DMGDH: variants seen among roughly 807,000 people sequenced by gnomAD.
DMGDH encodes dimethylglycine dehydrogenase, mitochondrial.
A neutral mutation model predicts 95.2 loss-of-function variants in DMGDH; 76 were observed. The ratio of observed to expected loss-of-function variants is 0.80; its 90% CI spans 0.66 to 0.97. DMGDH has a LOEUF of 0.97. Among genes scored for constraint, DMGDH ranks in the 50% least tolerant of loss-of-function variants. The pLI, the probability that DMGDH is intolerant of heterozygous loss-of-function variation, is 0.00. For missense variants in DMGDH, 987 were observed against 1,055.0 expected (o/e 0.94, Z 0.89); for synonymous variants, 345 against 377.6 (o/e 0.91, Z 1.00).
chr5:79,014,717 C>T (rs1003439856), intron 14 of DMGDH, among the ~76,000 whole-genome samples: 1 of 152,154 alleles, frequency 6.6e-6, no homozygotes, highest in Non-Finnish European at 1.5e-5. Context: ...TCATCTAATA[C>T]TTATGACAAA....
chr5:79,019,841 C>T (rs921106456), intron 14 of DMGDH, among the ~76,000 whole-genome samples: 3 of 152,106 alleles, frequency 2.0e-5, no homozygotes, highest in Admixed American at 6.5e-5. Flanking sequence ...GCCAAAATTG[C>T]ACCACTGCAC....
chr5:79,037,687 T>C (rs1333972479), intron 7 of DMGDH, among the ~76,000 whole-genome samples: 1 of 152,178 alleles, frequency 6.6e-6, no homozygotes, highest in African/African-American at 2.4e-5. Context: ...TAACTTGTTC[T>C]AGAGGAAGCA....
At chr5:79,025,378 A>C (rs1753970879) in intron 13 of DMGDH, among the ~76,000 whole-genome samples, 1 of 152,132 alleles carries the variant, frequency 6.6e-6, no homozygotes, top group Admixed American at 6.5e-5. Flanking sequence ...CTCAGTCCCC[A>C]GTTGTAGCTA....
chr5:79,033,151 G>A, intron 8 of DMGDH, 88 bp downstream of exon 8: 1 of 1,541,574 alleles, frequency 6.5e-7, no homozygotes, highest in Non-Finnish European at 8.9e-7. Flanking sequence ...CGCCATCCCA[G>A]TGAATAGAAT....
intron 12 of DMGDH, 83 bp from the exon 13 acceptor site, chr5:79,026,664 CA>C (rs1754011819): frequency 6.3e-7 from 1 of 1,576,320 alleles, no homozygotes; most frequent in South Asian, 1.1e-5. Flanking sequence ...CACATATAAG[CA>C]GGAGAAATTC....
intron 7 of DMGDH, among the ~76,000 whole-genome samples, chr5:79,036,823 G>A (rs1366609553): frequency 6.6e-6 from 1 of 152,104 alleles, no homozygotes; most frequent in Admixed American, 6.5e-5. Flanking sequence ...CTTTCATGGT[G>A]CTATGGACTG....
At chr5:79,003,383 G>C (rs930010128) in intron 15 of DMGDH, among the ~76,000 whole-genome samples, 1 of 152,166 alleles carries the variant, frequency 6.6e-6, no homozygotes, top group African/African-American at 2.4e-5. Context: ...CATGTGAATT[G>C]TGGGCAAATA....
intron 6 of DMGDH, among the ~76,000 whole-genome samples, chr5:79,044,053 C>T (rs929287691): frequency 6.6e-6 from 1 of 152,186 alleles, no homozygotes; most frequent in East Asian, 1.9e-4. Flanking sequence ...TATCTGGAAC[C>T]TTTCAAAGCA....
At chr5:79,050,276 ATATAT>A in intron 5 of DMGDH, among the ~76,000 whole-genome samples, 4 of 27,108 alleles carry the variant, frequency 1.5e-4, no homozygotes, top group African/African-American at 4.2e-4. Flanking sequence ...AAAAAAAAAT[ATATAT>A]ATATATATAT....
rs1355524100 is a variant in DMGDH at position 79,030,867 on chromosome 5, A to C, written c.1649T>G (p.Leu550Arg). ...FNIKGQDSIRLLDHLFANVIP... is the reference protein window; with the variant it reads ...FNIKGQDSIRRLDHLFANVIP... The stretch of plus-strand genomic sequence containing the variant: ...GACATTTGCAAAGAGATGGTCCAGT[A>C]GTCTAATGGAATCTTGGCCTTTGAT... The change falls in exon 10 of 16, where the codon CTA becomes CGA. Residue 550 changes from leucine to arginine, a missense_variant. By Grantham distance (102) the Leu-to-Arg change is moderately radical. Transcript: ENST00000255189. 2 of 1,614,098 alleles carry C rather than the reference A, an allele frequency of 1.2e-6. No homozygotes were observed. Among genetic ancestry groups the C allele is most frequent in the Admixed American group, 1.7e-5 (1 of 60,012 alleles).
intron 9 of DMGDH, among the ~76,000 whole-genome samples, chr5:79,032,086 G>GA (rs1451243045): frequency 6.6e-6 from 1 of 152,090 alleles, no homozygotes; most frequent in Non-Finnish European, 1.5e-5. Flanking sequence ...ATTCTCTTGA[G>GA]AAAAAAATAT....
At chr5:79,011,596 G>A (rs991122926) in intron 14 of DMGDH, among the ~76,000 whole-genome samples, 5 of 152,142 alleles carry the variant, frequency 3.3e-5, no homozygotes, top group Non-Finnish European at 7.3e-5. Context: ...GATTTAATTG[G>A]CTCATAGTTC....
chr5:79,056,889 A>C (rs1755048897), intron 2 of DMGDH, among the ~76,000 whole-genome samples: 1 of 152,160 alleles, frequency 6.6e-6, no homozygotes. Flanking sequence ...GGGGAATGGC[A>C]TACAATGTGG....
At chr5:79,024,475 A>G (rs1753945948) in intron 13 of DMGDH, 145 bp from the exon 14 acceptor site, 3 of 758,584 alleles carry the variant, frequency 4.0e-6, no homozygotes, top group Non-Finnish European at 6.6e-6. Context: ...ACCGGTTTTG[A>G]AAACAATTTT....
intron 5 of DMGDH, among the ~76,000 whole-genome samples, chr5:79,050,941 G>C (rs1754835977): frequency 6.6e-6 from 1 of 152,132 alleles, no homozygotes; most frequent in South Asian, 2.1e-4. Flanking sequence ...ACACAAAGAG[G>C]ATGCTTATGA....
At chr5:79,029,043 G>A (rs948062122) in intron 11 of DMGDH, among the ~76,000 whole-genome samples, 2 of 152,152 alleles carry the variant, frequency 1.3e-5, no homozygotes, top group Non-Finnish European at 2.9e-5. Flanking sequence ...GTTGCTAAAG[G>A]TTAATAATGT....
At chr5:79,000,958 G>T in intron 15 of DMGDH, 2 of 681,312 alleles carry the variant, frequency 2.9e-6, no homozygotes, top group Non-Finnish European at 5.3e-6. Context: ...AGCATCACTT[G>T]CAAGCAAAGT....
At chr5:79,036,689 A>C (rs1311092161) in intron 7 of DMGDH, among the ~76,000 whole-genome samples, 5 of 152,142 alleles carry the variant, frequency 3.3e-5, no homozygotes, top group Non-Finnish European at 7.3e-5. Flanking sequence ...CTGTACCAAG[A>C]ATTACAGATA....
chr5:79,034,342 T>C (rs1250576823), intron 7 of DMGDH, among the ~76,000 whole-genome samples: 2 of 152,164 alleles, frequency 1.3e-5, no homozygotes, highest in Non-Finnish European at 2.9e-5. Flanking sequence ...GGCCACTTGA[T>C]GGGGAAGGTG....
Sources: allele counts gnomAD v4.1 joint callset (sites outside exome capture counted in the v4.1 genomes callset), GRCh38; gene constraint gnomAD v4.1.1; transcripts MANE v1.5; gene names NCBI Gene and HGNC (gene_info 2026-07-23, HGNC 2026-07-21).